The following POU2F3 variants were observed in gnomAD, a reference collection of about 807,000 sequenced individuals.
POU2F3 encodes POU domain, class 2, transcription factor 3.
Under a neutral mutation model 59.2 loss-of-function variants are expected in POU2F3, and 23 were observed. That is an observed-to-expected ratio of 0.39 (90% CI 0.28 to 0.55). The LOEUF (loss-of-function observed/expected upper bound fraction) is 0.55, where lower values mean the gene tolerates loss of function less well. Among genes scored for constraint, POU2F3 ranks in the 20% least tolerant of loss-of-function variants. POU2F3 has a pLI of 0.66. For synonymous variants in POU2F3, 190 were observed against 214.6 expected, an observed-to-expected ratio of 0.89 and a Z score of 1.00; for missense variants, 473 against 544.5, an observed-to-expected ratio of 0.87 and a Z score of 1.31.
At position 120,309,435 on chromosome 11, in the gene POU2F3, C is replaced by A; in HGVS notation, c.917C>A (p.Pro306His). The A allele has an allele frequency of 6.2e-7, 1 of 1,613,786 alleles. No individual in the cohort carries two copies. Residue 306 changes from proline (P) to histidine (H), a missense_variant, in exon 10 of 13, where the codon CCC becomes CAC. Coordinates refer to ENST00000543440, the MANE Select transcript of POU2F3 (RefSeq NM_014352.4). ...LEKRFQDNPKPSSEEISMIAE... is the reference protein window; with the variant it reads ...LEKRFQDNPKHSSEEISMIAE... Reference sequence around the variant, plus strand: ...TTTCGGTGCCTATAGAACCCAAAACCCAGCTCGGAGGAGATCTCCATGATT... The same window carrying A: ...TTTCGGTGCCTATAGAACCCAAAACACAGCTCGGAGGAGATCTCCATGATT...
At chr11:120,236,955 TC>T (rs1380735413), upstream of POU2F3, among the ~76,000 whole-genome samples, 1 of 152,164 alleles carries the variant, frequency 6.6e-6, no homozygotes, top group African/African-American at 2.4e-5. Context: ...CTTGTGGGCC[TC>T]AGGTCCCTCA....
rs540124625 is a variant in POU2F3 at position 120,299,477 on chromosome 11, C to T, written c.259-147C>T. ...AACGGAGTAGCTACTATTTGCTAGA[C>T]ACTGGGGATACACAGTGGCATAAAC... On this transcript the variant is annotated intron_variant, in intron 4 of 12. Coordinates refer to ENST00000543440, the MANE Select transcript of POU2F3 (RefSeq NM_014352.4). 1.9e-5 allele frequency: 12 copies of T among 616,798 alleles called. No individual in the cohort carries two copies. The South Asian group carries it at 2.2e-4, about 11-fold the overall frequency. 38.2% of individuals were successfully genotyped at this position (616,798 alleles called of 1,614,324 possible).
chr11:120,306,855 G>A (rs949615842), intron 8 of POU2F3, among the ~76,000 whole-genome samples: 6 of 152,186 alleles, frequency 3.9e-5, no homozygotes, highest in Non-Finnish European at 8.8e-5. Context: ...TGAAATGAGC[G>A]AAATGATCCG....
At position 120,319,460 on chromosome 11, in the gene POU2F3, T is replaced by TTTG. The variant is rs1387943097; in HGVS notation, c.*1069_*1071dup. ...TTTCTTTTTCTTTTTTTTTTTTTTT[T>TTTG]TTGAGACAGTCTTGCTCCAGCCCAG... On this transcript the variant is annotated 3_prime_UTR_variant, in exon 13 of 13. Coordinates refer to ENST00000543440, the MANE Select transcript of POU2F3 (RefSeq NM_014352.4). The TTTG allele has an allele frequency of 0.014, 2,073 of 147,606 alleles. 57 individuals carry two copies. Among genetic ancestry groups the TTTG allele is most frequent in the African/African-American group, 0.049 (1,928 of 39,152 alleles). 9.1% of individuals were successfully genotyped at this position (147,606 alleles called of 1,614,324 possible).
At chr11:120,269,531 C>T (rs1000120473) in intron 3 of POU2F3, among the ~76,000 whole-genome samples, 2 of 152,164 alleles carry the variant, frequency 1.3e-5, no homozygotes, top group African/African-American at 4.8e-5. Context: ...AGCTCTTTTC[C>T]TGTCAATGCT....
At chr11:120,302,704 G>T (rs1941381371) in intron 6 of POU2F3, 1 of 261,132 alleles carries the variant, frequency 3.8e-6, no homozygotes, top group African/African-American at 2.2e-5. Context: ...ATACCAAGAT[G>T]GCCACGAACC....
chr11:120,277,251 A>G (rs1210922082), intron 3 of POU2F3, among the ~76,000 whole-genome samples: 1 of 151,598 alleles, frequency 6.6e-6, no homozygotes, highest in Non-Finnish European at 1.5e-5. Flanking sequence ...AGATCGTGCC[A>G]CTGCACTCCA....
chr11:120,300,755 C>T (rs2135284698), intron 5 of POU2F3: 1 of 257,598 alleles, frequency 3.9e-6, no homozygotes, highest in Non-Finnish European at 7.4e-6. Context: ...CAGAGCAAAA[C>T]TCTGTCTCTG....
chr11:120,242,699 C>A (rs138321492), intron 1 of POU2F3, among the ~76,000 whole-genome samples: 1 of 152,262 alleles, frequency 6.6e-6, no homozygotes, highest in African/African-American at 2.4e-5. Flanking sequence ...GGAGTTAGCC[C>A]CATTGTCTTG....
At chr11:120,242,083 T>G (rs1425277207) in intron 1 of POU2F3, among the ~76,000 whole-genome samples, 1 of 152,096 alleles carries the variant, frequency 6.6e-6, no homozygotes, top group African/African-American at 2.4e-5. Flanking sequence ...GGGGGTAGAT[T>G]GCCCAATTCA....
intron 2 of POU2F3, among the ~76,000 whole-genome samples, chr11:120,266,097 C>T (rs1939817385): frequency 6.6e-6 from 1 of 152,184 alleles, no homozygotes; most frequent in African/African-American, 2.4e-5. Flanking sequence ...TCTGGGATAT[C>T]TAATTGGCAT....
In POU2F3 at chr11:120,305,445, G is replaced by A. The variant is rs545975975; in HGVS notation, c.628-199G>A. Reference sequence around the variant, plus strand: ...GGCTGGCTCTCCTGAGCACGTGGGCGTGGTCCACTGAGAGTCTAAGGAGAG... The same window carrying A: ...GGCTGGCTCTCCTGAGCACGTGGGCATGGTCCACTGAGAGTCTAAGGAGAG... On this transcript the variant is annotated intron_variant, in intron 7 of 12. Transcript: ENST00000543440. 2.3e-4 allele frequency: 217 copies of A among 954,408 alleles called. 1 individual carries two copies. Among genetic ancestry groups the A allele is most frequent in the East Asian group, 8.3e-4 (33 of 39,972 alleles). 59.1% of individuals were successfully genotyped at this position (954,408 alleles called of 1,614,324 possible). A position where few individuals can be genotyped will look rare whatever the true frequency, so the allele number is the denominator to read the frequency against.
At chr11:120,238,704 C>T (rs998203927), upstream of POU2F3, among the ~76,000 whole-genome samples, 11 of 151,516 alleles carry the variant, frequency 7.3e-5, no homozygotes, top group Admixed American at 5.3e-4. Context: ...TGTAGTGGCA[C>T]GTGCTTATAG....
At chr11:120,317,609 C>T (rs1320103435) in intron 12 of POU2F3, among the ~76,000 whole-genome samples, 1 of 152,210 alleles carries the variant, frequency 6.6e-6, no homozygotes, top group Non-Finnish European at 1.5e-5. Context: ...TCAAAATTTC[C>T]ATCCTTACTT....
At chr11:120,297,318 G>A (rs2135276427) in intron 3 of POU2F3, among the ~76,000 whole-genome samples, 1 of 152,342 alleles carries the variant, frequency 6.6e-6, no homozygotes, top group East Asian at 1.9e-4. Flanking sequence ...CCACGCATGG[G>A]TGGTTAGTAC....
intron 3 of POU2F3, among the ~76,000 whole-genome samples, chr11:120,282,575 GA>G (rs1350043961): frequency 6.6e-6 from 1 of 152,166 alleles, no homozygotes; most frequent in African/African-American, 2.4e-5. Context: ...AGAATCACTT[GA>G]ACCTGAGAGG....
chr11:120,295,265 T>C (rs1555078571), intron 3 of POU2F3, among the ~76,000 whole-genome samples: 3 of 152,260 alleles, frequency 2.0e-5, no homozygotes, highest in Non-Finnish European at 4.4e-5. Context: ...TTTCAAGCTC[T>C]GTCATAGCTG....
Position 120,281,911 on chromosome 11 carries a change from T to G in POU2F3, c.132+12667T>G, listed in dbSNP as rs568900844. On this transcript the variant is annotated intron_variant, in intron 3 of 12. Coordinates refer to ENST00000543440, the MANE Select transcript of POU2F3 (RefSeq NM_014352.4). ...TAATGCTGTTAGGAGGAGGATTCAATGAATCTTGAGTGTAAAGTGTCTTGG... is the reference window on the plus strand; with the variant it reads ...TAATGCTGTTAGGAGGAGGATTCAAGGAATCTTGAGTGTAAAGTGTCTTGG... 3.9e-5 allele frequency among the ~76,000 whole-genome samples: 4 copies of G among 101,484 alleles called. No homozygotes were observed. In the South Asian group the frequency reaches 2.0e-3, roughly 50 times the overall value. 66.6% of individuals were successfully genotyped at this position (101,484 alleles called of 152,430 possible).
rs1285867346 is a variant in POU2F3 at position 120,240,312 on chromosome 11, G to C, written c.-32G>C. On this transcript the variant is annotated 5_prime_UTR_variant, in exon 1 of 13. Transcript: ENST00000543440. Reference sequence around the variant, plus strand: ...CTGGGGCAGAGGCGAGGGGCCTGGGGGGGCGCTGGCTTTGGCCCCGCCTGG... The same window carrying C: ...CTGGGGCAGAGGCGAGGGGCCTGGGCGGGCGCTGGCTTTGGCCCCGCCTGG... The C allele has an allele frequency of 7.3e-7, 1 of 1,363,512 alleles. No homozygotes were observed. Among genetic ancestry groups the C allele is most frequent in the Non-Finnish European group, 9.5e-7 (1 of 1,047,648 alleles). 84.5% of individuals were successfully genotyped at this position (1,363,512 alleles called of 1,614,324 possible). A position where few individuals can be genotyped will look rare whatever the true frequency, so the allele number is the denominator to read the frequency against.
Sources: gnomAD v4.1 joint callset for allele counts (sites outside exome capture counted in the v4.1 genomes callset) on GRCh38, gnomAD v4.1.1 for gene constraint, MANE v1.5 for transcripts, NCBI Gene and HGNC (gene_info 2026-07-23, HGNC 2026-07-21) for gene names.